The following SCYL3 variants were observed in gnomAD, a reference collection of about 807,000 sequenced individuals.
SCYL3 encodes protein-associating with the carboxyl-terminal domain of ezrin.
SCYL3 carries 35 observed loss-of-function variants against 73.8 expected under a neutral mutation model. The observed-to-expected ratio is 0.47, with a 90% CI of 0.36 to 0.63. The LOEUF is 0.63. Ranked by LOEUF, SCYL3 falls within the 20% of genes least tolerant of loss-of-function variation. The pLI is 0.00. For synonymous variants in SCYL3, 277 were observed against 295.2 expected, an observed-to-expected ratio of 0.94 and a Z score of 0.63; for missense variants, 712 against 798.9, an observed-to-expected ratio of 0.89 and a Z score of 1.31.
chr1:169,882,646 A>G (rs922955264), intron 2 of SCYL3, among the ~76,000 whole-genome samples: 1 of 152,046 alleles, frequency 6.6e-6, no homozygotes, highest in Admixed American at 6.5e-5. Flanking sequence ...AGCACTCTGT[A>G]TCTAGCTCAA....
rs563646635 is a variant in SCYL3 at position 169,870,711 on chromosome 1, C to G, written c.523-354G>C. ...GAAACAAAAGTTTCATAAAACAGTGCTTAGCCTTACTATCTAAGATGCCCA... is the reference window on the plus strand; with the variant it reads ...GAAACAAAAGTTTCATAAAACAGTGGTTAGCCTTACTATCTAAGATGCCCA... On this transcript the variant is annotated intron_variant, in intron 5 of 12. Transcript: ENST00000367771. 5.0e-4 allele frequency among the ~76,000 whole-genome samples: 76 copies of G among 152,028 alleles called. No homozygotes were observed. The South Asian group carries it at 0.016, about 31-fold the overall frequency.
In SCYL3 at chr1:169,859,021, G is replaced by A; in HGVS notation, c.1312+20C>T. 6.2e-7 allele frequency: 1 copy of A among 1,607,190 alleles called. No individual in the cohort carries two copies. Among genetic ancestry groups the A allele is most frequent in the Non-Finnish European group, 8.5e-7 (1 of 1,176,950 alleles). On this transcript the variant is annotated intron_variant, in intron 11 of 12. Transcript: ENST00000367771. ...TAAAAAAATGACACACAAAAAGTTA[G>A]ACCTTTTAATAATTCTTACCTTCTA...
At chr1:169,864,985 AAT>A (rs1343266762) in intron 8 of SCYL3, among the ~76,000 whole-genome samples, 6 of 29,294 alleles carry the variant, frequency 2.0e-4, no homozygotes, top group African/African-American at 9.2e-4. Context: ...AAAAAAAAAA[AAT>A]ACAGAAAGTG....
chr1:169,876,902 C>T (rs1291966446), intron 3 of SCYL3, among the ~76,000 whole-genome samples: 3 of 141,330 alleles, frequency 2.1e-5, no homozygotes, highest in African/African-American at 8.0e-5. Flanking sequence ...TTGCAGTGAG[C>T]CGAGATCACA....
chr1:169,858,021 AT>A (rs1659324318), intron 11 of SCYL3, among the ~76,000 whole-genome samples: 4 of 152,220 alleles, frequency 2.6e-5, no homozygotes, highest in Non-Finnish European at 1.5e-5. Flanking sequence ...TTACCAGTGA[AT>A]GAAGGCCTAG....
Position 169,853,284 on chromosome 1 carries a change from T to C in SCYL3, c.*429A>G, listed in dbSNP as rs1252544478. On this transcript the variant is annotated 3_prime_UTR_variant, in exon 13 of 13. Coordinates refer to ENST00000367771, the MANE Select transcript of SCYL3 (RefSeq NM_020423.7). ...AGGAAACCTCAGCAATTTAAAATCA[T>C]TTATATAATTTATAGCTAAAATTTT... The C allele has an allele frequency of 5.6e-6, 2 of 358,038 alleles. No homozygotes were observed. The highest frequency in any genetic ancestry group is 4.2e-5 in the African/African-American group (2 of 47,714). 22.2% of individuals were successfully genotyped at this position (358,038 alleles called of 1,614,324 possible).
chr1:169,885,938 GTTC>G (rs1206371366), intron 2 of SCYL3, among the ~76,000 whole-genome samples: 1 of 152,188 alleles, frequency 6.6e-6, no homozygotes, highest in Non-Finnish European at 1.5e-5. Flanking sequence ...TACTTCTGAA[GTTC>G]TTCTGAGTGG....
chr1:169,859,731 T>C (rs1659477306), intron 10 of SCYL3: 1 of 152,466 alleles, frequency 6.6e-6, no homozygotes, highest in Non-Finnish European at 1.5e-5. Flanking sequence ...TCAGTTTATA[T>C]AGGTTTACTC....
Position 169,852,535 on chromosome 1 carries a change from C to G in SCYL3, c.*1178G>C, listed in dbSNP as rs1168277256. The G allele has an allele frequency of 4.1e-6, 2 of 482,208 alleles. No homozygotes were observed. The highest frequency in any genetic ancestry group is 7.1e-5 in the East Asian group (2 of 28,010). The allele number at this position is 482,208 out of a possible 1,614,324, so 29.9% of individuals were successfully genotyped here. ...CTATGCAGCACTTCTCATTGGGAGC[C>G]CTTTGGGACAGGATACTTGTTGTAT... On this transcript the variant is annotated 3_prime_UTR_variant, in exon 13 of 13. Transcript: ENST00000367771.
At chr1:169,877,870 CATG>C (rs753930540) in intron 3 of SCYL3, among the ~76,000 whole-genome samples, 1 of 152,172 alleles carries the variant, frequency 6.6e-6, no homozygotes, top group Non-Finnish European at 1.5e-5. Flanking sequence ...ATAAATCCAA[CATG>C]ATATTTGGAG....
intron 11 of SCYL3, among the ~76,000 whole-genome samples, chr1:169,857,653 G>A (rs1228291305): frequency 6.6e-6 from 1 of 152,190 alleles, no homozygotes; most frequent in East Asian, 1.9e-4. Context: ...TATGTATTGG[G>A]AGACAGGTCC....
At chr1:169,876,181 A>C in intron 3 of SCYL3, 90 bp from the exon 4 acceptor site, 1 of 699,642 alleles carries the variant, frequency 1.4e-6, no homozygotes, top group Non-Finnish European at 2.2e-6. Context: ...CATCTCTCAC[A>C]ATCTTTATTT....
chr1:169,881,071 A>G (rs1197429053), intron 2 of SCYL3, among the ~76,000 whole-genome samples: 1 of 152,204 alleles, frequency 6.6e-6, no homozygotes, highest in Non-Finnish European at 1.5e-5. Context: ...TGAAGGCCAC[A>G]TATTTACCTC....
At position 169,853,623 on chromosome 1, in the gene SCYL3, G is replaced by T; in HGVS notation, c.*90C>A. On this transcript the variant is annotated 3_prime_UTR_variant, in exon 13 of 13. Transcript: ENST00000367771. ...GGATGGGAAAAGCAGGCCACTTTGG[G>T]GTTTTCTTGTCCCAAAGCCTGCTTT... 7.2e-7 allele frequency: 1 copy of T among 1,389,932 alleles called. No homozygotes were observed. The highest frequency in any genetic ancestry group is 1.0e-6 in the Non-Finnish European group (1 of 994,574). 86.1% of individuals were successfully genotyped at this position (1,389,932 alleles called of 1,614,324 possible).
chr1:169,880,499 T>C (rs1214032683), intron 2 of SCYL3, among the ~76,000 whole-genome samples: 1 of 129,228 alleles, frequency 7.7e-6, no homozygotes, highest in African/African-American at 2.7e-5. Context: ...CAATGAAACA[T>C]GTTTAAAATG....
At chr1:169,870,729 G>A (rs949117583) in intron 5 of SCYL3, among the ~76,000 whole-genome samples, 6 of 151,306 alleles carry the variant, frequency 4.0e-5, no homozygotes, top group Admixed American at 1.3e-4. Context: ...TACTATCTAA[G>A]ATGCCCAAAG....
chr1:169,862,882 C>A, intron 9 of SCYL3, 85 bp from the exon 10 acceptor site: 1 of 1,191,326 alleles, frequency 8.4e-7, no homozygotes, highest in East Asian at 2.4e-5. Context: ...ACACTGAACC[C>A]AAAACTACAC....
At chr1:169,873,593 C>G in intron 5 of SCYL3, 103 bp downstream of exon 5, 1 of 709,944 alleles carries the variant, frequency 1.4e-6, no homozygotes, top group Non-Finnish European at 2.4e-6. Flanking sequence ...TATGAGGCAT[C>G]TATAACTCAG....
chr1:169,862,974 G>A (rs1051116365), intron 9 of SCYL3, among the ~76,000 whole-genome samples, 177 bp from the exon 10 acceptor site: 8 of 151,962 alleles, frequency 5.3e-5, no homozygotes, highest in East Asian at 3.9e-4. Flanking sequence ...GTGCAGTGGC[G>A]CGATCTCGGC....
Sources: allele counts gnomAD v4.1 joint callset (sites outside exome capture counted in the v4.1 genomes callset), GRCh38; gene constraint gnomAD v4.1.1; transcripts MANE v1.5; gene names NCBI Gene and HGNC (gene_info 2026-07-23, HGNC 2026-07-21).